TNFSF4: variants seen among roughly 807,000 people sequenced by gnomAD.
TNFSF4 encodes the protein TNF superfamily member 4.
TNFSF4 carries 4 observed loss-of-function variants against 7.3 expected under a neutral mutation model. That is an observed-to-expected ratio of 0.55 (90% CI 0.27 to 1.25). The LOEUF is 1.25. Ranked by LOEUF, TNFSF4 falls within the 50% of genes most tolerant of loss-of-function variation. The pLI is 0.12. For missense variants in TNFSF4, 181 were observed against 208.8 expected, an observed-to-expected ratio of 0.87 and a Z score of 0.82; for synonymous variants, 76 against 83.7, an observed-to-expected ratio of 0.91 and a Z score of 0.50.
the TNFSF4 span, among the ~76,000 whole-genome samples, chr1:173,309,730 C>A: frequency 6.6e-6 from 1 of 151,658 alleles, no homozygotes; most frequent in African/African-American, 2.4e-5. Flanking sequence ...TTCCTATTCT[C>A]TCAAATAGTT....
chr1:173,302,306 A>G, the TNFSF4 span, among the ~76,000 whole-genome samples: 1 of 151,960 alleles, frequency 6.6e-6, no homozygotes, highest in Non-Finnish European at 1.5e-5. Context: ...AGTACAGAAG[A>G]AAAAGAGTTA....
At chr1:173,447,422 A>AC in the TNFSF4 span, among the ~76,000 whole-genome samples, 8 of 152,142 alleles carry the variant, frequency 5.3e-5, no homozygotes, top group African/African-American at 1.9e-4. Context: ...TAGGTTCATC[A>AC]CCCGTAACAA....
chr1:173,320,106 C>T, the TNFSF4 span, among the ~76,000 whole-genome samples: 1 of 152,156 alleles, frequency 6.6e-6, no homozygotes, highest in African/African-American at 2.4e-5. Flanking sequence ...AAACTGAATC[C>T]AGCAGTACAT....
chr1:173,173,144 T>A, the TNFSF4 span, among the ~76,000 whole-genome samples: 9 of 152,176 alleles, frequency 5.9e-5, no homozygotes, highest in Non-Finnish European at 1.0e-4. Flanking sequence ...TTATAATTTG[T>A]ATTACAATTC....
At chr1:173,206,112 T>C (rs999528216) in intron 1 of TNFSF4, among the ~76,000 whole-genome samples, 1 of 152,070 alleles carries the variant, frequency 6.6e-6, no homozygotes, top group African/African-American at 2.4e-5. Context: ...TACCTGAACT[T>C]TATCAGGGAG....
the TNFSF4 span, among the ~76,000 whole-genome samples, chr1:173,443,284 T>A: frequency 1.3e-5 from 2 of 152,142 alleles, no homozygotes; most frequent in African/African-American, 4.8e-5. Flanking sequence ...AGGAGAAAAA[T>A]ACATTATTAT....
the TNFSF4 span, among the ~76,000 whole-genome samples, chr1:173,343,351 A>T: frequency 6.6e-6 from 1 of 152,214 alleles, no homozygotes; most frequent in Non-Finnish European, 1.5e-5. Flanking sequence ...TCCTGAAGGA[A>T]ATGAAAGAGT....
the TNFSF4 span, among the ~76,000 whole-genome samples, chr1:173,389,670 A>G: frequency 6.6e-6 from 1 of 152,194 alleles, no homozygotes; most frequent in East Asian, 1.9e-4. Flanking sequence ...TTATCCAAAG[A>G]AAGAATCTCT....
chr1:173,337,563 G>T, the TNFSF4 span, among the ~76,000 whole-genome samples: 1 of 152,190 alleles, frequency 6.6e-6, no homozygotes, highest in Non-Finnish European at 1.5e-5. Context: ...TTACAGACAG[G>T]TCTATATAAT....
the TNFSF4 span, among the ~76,000 whole-genome samples, chr1:173,353,408 C>T: frequency 1.3e-5 from 2 of 152,190 alleles, no homozygotes; most frequent in African/African-American, 2.4e-5. Context: ...TCCCTCCATT[C>T]GGGGTCTCTG....
At chr1:173,387,331 TA>T in the TNFSF4 span, among the ~76,000 whole-genome samples, 1 of 152,062 alleles carries the variant, frequency 6.6e-6, no homozygotes, top group East Asian at 1.9e-4. Context: ...TAATACTTCA[TA>T]AAAGGGCTAG....
At chr1:173,363,581 G>T in the TNFSF4 span, 1 of 499,286 alleles carries the variant, frequency 2.0e-6, no homozygotes. Context: ...GCAAGTGTAG[G>T]CTTATTTGGG....
At chr1:173,409,312 C>T in the TNFSF4 span, among the ~76,000 whole-genome samples, 1 of 152,138 alleles carries the variant, frequency 6.6e-6, no homozygotes, top group Non-Finnish European at 1.5e-5. Context: ...GCGATAATCA[C>T]ATTTATTGGG....
the TNFSF4 span, among the ~76,000 whole-genome samples, chr1:173,249,113 G>C: frequency 6.6e-6 from 1 of 152,178 alleles, no homozygotes; most frequent in Non-Finnish European, 1.5e-5. Context: ...TAAGTAGAAG[G>C]GAGGGATAGG....
At chr1:173,286,791 A>G in the TNFSF4 span, among the ~76,000 whole-genome samples, 2 of 152,192 alleles carry the variant, frequency 1.3e-5, no homozygotes, top group Admixed American at 6.5e-5. Context: ...CACTATTAAG[A>G]TAATGAAAAT....
At chr1:173,284,797 T>C in the TNFSF4 span, among the ~76,000 whole-genome samples, 2 of 152,132 alleles carry the variant, frequency 1.3e-5, no homozygotes, top group Admixed American at 1.3e-4. Flanking sequence ...TAACACCTAC[T>C]CCTCAGAAAA....
At chr1:173,410,582 T>C in the TNFSF4 span, among the ~76,000 whole-genome samples, 4 of 152,194 alleles carry the variant, frequency 2.6e-5, no homozygotes, top group Non-Finnish European at 4.4e-5. Context: ...GGAGGGAACA[T>C]TCAAAAGACA....
chr1:173,380,150 C>G, the TNFSF4 span, among the ~76,000 whole-genome samples: 1 of 152,132 alleles, frequency 6.6e-6, no homozygotes, highest in African/African-American at 2.4e-5. Flanking sequence ...CAGCCTGTAA[C>G]CAGGTATTTC....
chr1:173,397,311 T>C, the TNFSF4 span, among the ~76,000 whole-genome samples: 1 of 152,320 alleles, frequency 6.6e-6, no homozygotes, highest in African/African-American at 2.4e-5. Context: ...AAGGATCCTA[T>C]TCACTACTTA....
Sources: allele counts gnomAD v4.1 joint callset (sites outside exome capture counted in the v4.1 genomes callset), GRCh38; gene constraint gnomAD v4.1.1; transcripts MANE v1.5; gene names NCBI Gene and HGNC (gene_info 2026-07-23, HGNC 2026-07-21).